RHOT1: variants seen among roughly 807,000 people sequenced by gnomAD.
RHOT1 encodes the protein ras homolog family member T1.
RHOT1 carries 27 observed loss-of-function variants against 95.3 expected under a neutral mutation model. The ratio of observed to expected loss-of-function variants is 0.28; its 90% CI spans 0.21 to 0.39. The LOEUF (loss-of-function observed/expected upper bound fraction) is 0.39, where lower values mean the gene tolerates loss of function less well. Among genes scored for constraint, RHOT1 ranks in the 10% least tolerant of loss-of-function variants. The pLI, the probability that RHOT1 is intolerant of heterozygous loss-of-function variation, is 1.00. For synonymous variants in RHOT1, 227 were observed against 263.5 expected, an observed-to-expected ratio of 0.86 and a Z score of 1.34; for missense variants, 578 against 786.7, an observed-to-expected ratio of 0.73 and a Z score of 3.17.
chr17:32,196,664 G>GCCTCCA (rs1555563721), intron 11 of RHOT1, among the ~76,000 whole-genome samples: 1 of 151,860 alleles, frequency 6.6e-6, no homozygotes, highest in East Asian at 1.9e-4. Context: ...TCTCCCTCTC[G>GCCTCCA]CCCCCACCTA....
chr17:32,182,828 T>G lies in RHOT1; in HGVS notation c.401T>G (p.Ile134Ser), dbSNP rs2035749715. 2 of 1,602,606 alleles carry G rather than the reference T, an allele frequency of 1.2e-6. No homozygotes were observed. Among genetic ancestry groups the G allele is most frequent in the Non-Finnish European group, 1.7e-6 (2 of 1,171,908 alleles). ...EYSSMETILP[I>S]MNQYTEIETC... ...AGTAGTATGGAGACCATCCTTCCTA[T>G]TATGAACCAGTATACAGAAATAGAA... The change falls in exon 7 of 20, where the codon ATT becomes AGT. Residue 134 changes from isoleucine to serine, a missense_variant. Ile to Ser is a moderately radical substitution (Grantham distance 142, BLOSUM62 -2). Around this residue, in one of 4 missense-constraint regions of RHOT1, gnomAD observed 227 missense variants for 316.0 expected, o/e 0.72. Coordinates refer to ENST00000545287, the MANE Select transcript of RHOT1 (RefSeq NM_001033566.3).
intron 1 of RHOT1, chr17:32,151,373 C>G: frequency 1.6e-6 from 1 of 614,356 alleles, no homozygotes. Context: ...GACTGCACCA[C>G]TGCACTCCAG....
intron 19 of RHOT1, chr17:32,211,443 G>C: frequency 2.7e-6 from 1 of 367,934 alleles, no homozygotes; most frequent in Non-Finnish European, 4.8e-6. Flanking sequence ...TATATTTAGA[G>C]GACTATAAAA....
intron 1 of RHOT1, among the ~76,000 whole-genome samples, chr17:32,169,832 C>T (rs1258030790): frequency 2.0e-5 from 3 of 151,762 alleles, no homozygotes; most frequent in East Asian, 3.9e-4. Context: ...ATGACGAAAC[C>T]CTGTCCCTAT....
At chr17:32,155,807 GCT>G (rs1279138570) in intron 1 of RHOT1, among the ~76,000 whole-genome samples, 1 of 152,044 alleles carries the variant, frequency 6.6e-6, no homozygotes, top group Non-Finnish European at 1.5e-5. Flanking sequence ...CTCCCAAACT[GCT>G]GGGATTACAG....
intron 1 of RHOT1, among the ~76,000 whole-genome samples, chr17:32,146,058 A>G (rs2031282841): frequency 6.6e-6 from 1 of 152,192 alleles, no homozygotes; most frequent in Non-Finnish European, 1.5e-5. Flanking sequence ...ACTTTCACTT[A>G]GAATAAAGTC....
chr17:32,187,830 A>G (rs1307434795), intron 8 of RHOT1, among the ~76,000 whole-genome samples: 1 of 152,222 alleles, frequency 6.6e-6, no homozygotes, highest in African/African-American at 2.4e-5. Flanking sequence ...TGGCCTTTCA[A>G]AGTGCAGGGA....
At position 32,192,237 on chromosome 17, in the gene RHOT1, T is replaced by G; in HGVS notation, c.577T>G (p.Phe193Val). ...TTGTATAAAAGCCCTTACTCGTATA[T>G]TTAAAATATCTGATCAAGATAATGA... The part of the protein sequence containing the change: ...PACIKALTRI[F>V]KISDQDNDGT... The change falls in exon 9 of 20, where the codon TTT (phenylalanine) becomes GTT (valine). Residue 193 changes from phenylalanine (F) to valine (V), a missense_variant. Physicochemically the swap from Phe to Val is conservative, Grantham distance 50. Coordinates refer to ENST00000545287, the MANE Select transcript of RHOT1 (RefSeq NM_001033566.3). 3 of 1,575,730 alleles carry G rather than the reference T, an allele frequency of 1.9e-6. No individual in the cohort carries two copies. The highest frequency in any genetic ancestry group is 2.6e-6 in the Non-Finnish European group (3 of 1,158,406).
Position 32,224,689 on chromosome 17 carries a change from G to GT in RHOT1, c.1940dup (p.Leu647PhefsTer16). On this transcript the variant is annotated frameshift_variant, in exon 20 of 20. Coordinates refer to ENST00000545287, the MANE Select transcript of RHOT1 (RefSeq NM_001033566.3). LOFTEE classifies it high-confidence loss of function. Reference sequence around the variant, plus strand: ...AAGTTTTGGTGCTACTGTTTTTGCAGTTTTGGGCTTTGCTATGTACAAAGC... The same window carrying GT: ...AAGTTTTGGTGCTACTGTTTTTGCAGTTTTTGGGCTTTGCTATGTACAAAGC... 1 of 1,613,618 alleles carries GT rather than the reference G, an allele frequency of 6.2e-7. No individual in the cohort carries two copies. The highest frequency in any genetic ancestry group is 8.5e-7 in the Non-Finnish European group (1 of 1,179,704).
At chr17:32,147,674 G>T (rs1330194929) in intron 1 of RHOT1, among the ~76,000 whole-genome samples, 1 of 151,994 alleles carries the variant, frequency 6.6e-6, no homozygotes, top group Non-Finnish European at 1.5e-5. Context: ...ACAAAATTTA[G>T]CTGGGCATGG....
Position 32,182,826 on chromosome 17 carries a change from T to C in RHOT1, c.399T>C (p.Pro133=). ...VEYSSMETIL[P]IMNQYTEIET... is the part of the protein sequence containing the mutation. The stretch of plus-strand genomic sequence containing the variant: ...ATAGTAGTATGGAGACCATCCTTCC[T>C]ATTATGAACCAGTATACAGAAATAG... Residue 133 remains proline (P), a synonymous_variant, in exon 7 of 20, where the codon CCT becomes CCC. Transcript: ENST00000545287. 2.5e-6 allele frequency: 4 copies of C among 1,604,374 alleles called. No individual in the cohort carries two copies. The highest frequency in any genetic ancestry group is 3.4e-6 in the Non-Finnish European group (4 of 1,173,072).
At chr17:32,166,386 T>G (rs1301260449) in intron 1 of RHOT1, among the ~76,000 whole-genome samples, 1 of 152,124 alleles carries the variant, frequency 6.6e-6, no homozygotes, top group Non-Finnish European at 1.5e-5. Context: ...GCTGACTGAT[T>G]AGGGTGGTGA....
chr17:32,171,162 A>G, intron 2 of RHOT1, 61 bp downstream of exon 2: 2 of 1,141,562 alleles, frequency 1.8e-6, no homozygotes. Context: ...AATTAAAATG[A>G]ACTGAATTCT....
rs551088820 is a variant in RHOT1 at position 32,150,353 on chromosome 17, G to T, written c.37+7624G>T. 434 of 366,592 alleles carry T rather than the reference G, an allele frequency of 1.2e-3. 2 individuals are homozygous for T. The highest frequency in any genetic ancestry group is 1.9e-3 in the Admixed American group (41 of 21,702). 22.7% of individuals were successfully genotyped at this position (366,592 alleles called of 1,614,324 possible). A position where few individuals can be genotyped will look rare whatever the true frequency, so the allele number is the denominator to read the frequency against. On this transcript the variant is annotated intron_variant, in intron 1 of 19. Transcript: ENST00000545287. ...CCAATTTTGAACTTTTGCTGCTAAT[G>T]AACTTTTTTTTTTTTTCATGTGTAA...
intron 19 of RHOT1, among the ~76,000 whole-genome samples, chr17:32,218,644 A>G (rs1466741731): frequency 6.6e-6 from 1 of 151,870 alleles, no homozygotes; most frequent in Non-Finnish European, 1.5e-5. Context: ...TAAGACCCCC[A>G]TCTCTACAAA....
At chr17:32,218,830 T>G (rs1009926344) in intron 19 of RHOT1, among the ~76,000 whole-genome samples, 4 of 152,068 alleles carry the variant, frequency 2.6e-5, no homozygotes, top group African/African-American at 9.7e-5. Context: ...AATAAATAAA[T>G]AAAGACAGAA....
At chr17:32,177,066 A>T (rs770291740) in intron 6 of RHOT1, among the ~76,000 whole-genome samples, 24 of 152,114 alleles carry the variant, frequency 1.6e-4, no homozygotes, top group Non-Finnish European at 2.8e-4. Context: ...AGATGACATT[A>T]TATGTGCTGT....
intron 1 of RHOT1, chr17:32,160,398 C>G (rs576721606): frequency 1.3e-5 from 2 of 152,532 alleles, no homozygotes; most frequent in East Asian, 3.9e-4. Context: ...TTACCTCATT[C>G]TTCCTGGATG....
intron 14 of RHOT1, among the ~76,000 whole-genome samples, chr17:32,202,267 GTT>G (rs1368476958): frequency 6.6e-6 from 1 of 152,156 alleles, no homozygotes; most frequent in African/African-American, 2.4e-5. Context: ...ATACAGCATT[GTT>G]TTCTGGCATG....
Sources: gnomAD v4.1 joint callset for allele counts (sites outside exome capture counted in the v4.1 genomes callset) on GRCh38, gnomAD v4.1.1 for gene constraint, gnomAD v4.1.1 regional missense constraint, MANE v1.5 for transcripts, NCBI Gene and HGNC (gene_info 2026-07-23, HGNC 2026-07-21) for gene names.